The following ZNF267 variants were observed in gnomAD, a reference collection of about 807,000 sequenced individuals.
ZNF267 encodes the protein zinc finger protein 267.
A neutral mutation model predicts 71.6 loss-of-function variants in ZNF267; 61 were observed. The observed-to-expected ratio is 0.85, with a 90% CI of 0.69 to 1.05. ZNF267 has a LOEUF of 1.05. ZNF267 is among the 50% of genes least tolerant of loss of function. The probability of loss-of-function intolerance (pLI) is 0.00; values close to 1 mark genes in which losing one functional copy is unlikely to be tolerated. For missense variants in ZNF267, 852 were observed against 870.0 expected, an observed-to-expected ratio of 0.98 and a Z score of 0.26; for synonymous variants, 288 against 293.2, an observed-to-expected ratio of 0.98 and a Z score of 0.18.
intron 3 of ZNF267, among the ~76,000 whole-genome samples, chr16:31,896,087 C>T (rs2083996190): frequency 6.6e-6 from 1 of 152,178 alleles, no homozygotes; most frequent in Non-Finnish European, 1.5e-5. Context: ...TCATAGCTCA[C>T]TGCAGGCTTG....
intron 3 of ZNF267, among the ~76,000 whole-genome samples, chr16:31,901,046 CG>C (rs1379415845): frequency 6.6e-5 from 10 of 152,120 alleles, no homozygotes; most frequent in African/African-American, 2.2e-4. Context: ...TGAGAACATG[CG>C]GTGTTTCGTT....
intron 1 of ZNF267, chr16:31,875,332 G>C: frequency 7.8e-7 from 1 of 1,285,140 alleles, no homozygotes. Context: ...CAGGGGAGCA[G>C]CTGGATGCCC....
chr16:31,885,565 CTG>C (rs1334611341), intron 3 of ZNF267, among the ~76,000 whole-genome samples: 32 of 152,290 alleles, frequency 2.1e-4, no homozygotes, highest in African/African-American at 7.2e-4. Flanking sequence ...CTGGGAAAGT[CTG>C]TGCATGTTTC....
rs2142366435 is a variant in ZNF267 at position 31,916,666 on chromosome 16, A to G, written c.*185A>G. 1.1e-5 allele frequency: 7 copies of G among 649,688 alleles called. No homozygotes were observed. The East Asian group carries it at 2.0e-4, about 18-fold the overall frequency. The allele number at this position is 649,688 out of a possible 1,614,324, so 40.2% of individuals were successfully genotyped here. ...TCCATACAAATATTAAAAATGTGGC[A>G]AATTATTTTAAACTGTGCTCAACCC... On this transcript the variant is annotated 3_prime_UTR_variant, in exon 4 of 4. Coordinates refer to ENST00000300870, the MANE Select transcript of ZNF267 (RefSeq NM_003414.6).
At chr16:31,874,317 C>G (rs2142325156) in intron 1 of ZNF267, 1 of 263,616 alleles carries the variant, frequency 3.8e-6, no homozygotes, top group African/African-American at 2.2e-5. Context: ...TGGGAAGAAA[C>G]CGTGCCCTGT....
intron 3 of ZNF267, among the ~76,000 whole-genome samples, chr16:31,900,667 A>T (rs141474982): frequency 0.014 from 2,105 of 150,440 alleles, 59 homozygotes; most frequent in African/African-American, 0.049. Context: ...GATGGTCTTG[A>T]TCTCCTGACC....
chr16:31,891,240 T>C (rs967345983), intron 3 of ZNF267, among the ~76,000 whole-genome samples: 1 of 152,222 alleles, frequency 6.6e-6, no homozygotes, highest in Admixed American at 6.5e-5. Context: ...TTCACACATT[T>C]TATTACTGTA....
At chr16:31,895,523 A>G (rs1182995227) in intron 3 of ZNF267, among the ~76,000 whole-genome samples, 1 of 152,106 alleles carries the variant, frequency 6.6e-6, no homozygotes, top group Non-Finnish European at 1.5e-5. Flanking sequence ...TCTATGTTTG[A>G]TGATTTTTTG....
chr16:31,875,161 T>TAATAC, intron 1 of ZNF267: 2 of 1,289,170 alleles, frequency 1.6e-6, no homozygotes, highest in Non-Finnish European at 2.0e-6. Context: ...GGGCCCTGTA[T>TAATAC]AGCCACCCTC....
At chr16:31,895,405 T>C (rs2083991137) in intron 3 of ZNF267, among the ~76,000 whole-genome samples, 1 of 152,206 alleles carries the variant, frequency 6.6e-6, no homozygotes, top group Non-Finnish European at 1.5e-5. Context: ...TTGGCTATTA[T>C]AAATAGTGCT....
At chr16:31,887,898 T>C (rs941067502) in intron 3 of ZNF267, among the ~76,000 whole-genome samples, 14 of 152,150 alleles carry the variant, frequency 9.2e-5, no homozygotes, top group African/African-American at 3.4e-4. Flanking sequence ...TAATTTTTTC[T>C]ATTTCTGTGA....
chr16:31,894,349 G>T (rs760155824), intron 3 of ZNF267, among the ~76,000 whole-genome samples: 2 of 152,136 alleles, frequency 1.3e-5, no homozygotes, highest in Non-Finnish European at 2.9e-5. Context: ...ACTTACTTTA[G>T]CAAGGTCTTC....
rs982849902 is a variant in ZNF267, at chr16:31,910,203, C to T, written c.227-4273C>T. On this transcript the variant is annotated intron_variant, in intron 3 of 3. Transcript: ENST00000300870. ...CATAAATATTTATTATAGATATTGG[C>T]GTACAGTTTTCATCTTTTGATGTAT... 4.7e-5 allele frequency among the ~76,000 whole-genome samples: 7 copies of T among 148,048 alleles called. 1 individual carries two copies. Among genetic ancestry groups the T allele is most frequent in the East Asian group, 1.9e-4 (1 of 5,198 alleles).
Position 31,873,939 on chromosome 16 carries a change from G to C in ZNF267, c.-28G>C. 6.2e-7 allele frequency: 1 copy of C among 1,613,774 alleles called. No homozygotes were observed. The highest frequency in any genetic ancestry group is 8.5e-7 in the Non-Finnish European group (1 of 1,179,756). ...CAGGCACTGGGAGATTCGTAGCTAA[G>C]ACGCCAGGGCATCCCGGAAGCTGGG... On this transcript the variant is annotated 5_prime_UTR_variant, in exon 1 of 4. Transcript: ENST00000300870.
chr16:31,886,493 T>G (rs2083925398), intron 3 of ZNF267, among the ~76,000 whole-genome samples: 1 of 152,158 alleles, frequency 6.6e-6, no homozygotes, highest in Non-Finnish European at 1.5e-5. Context: ...GGTTGTGTGC[T>G]TTTTATGAGA....
At chr16:31,878,780 C>T (rs1426509756) in intron 1 of ZNF267, among the ~76,000 whole-genome samples, 1 of 152,166 alleles carries the variant, frequency 6.6e-6, no homozygotes, top group Non-Finnish European at 1.5e-5. Flanking sequence ...TATGTGTACA[C>T]GGTGTTCCCA....
At chr16:31,902,483 A>G in intron 3 of ZNF267, among the ~76,000 whole-genome samples, 1 of 152,104 alleles carries the variant, frequency 6.6e-6, no homozygotes, top group Non-Finnish European at 1.5e-5. Context: ...AGTGGTTTGT[A>G]GTTCTCCTTG....
chr16:31,900,175 G>C (rs1762285726), intron 3 of ZNF267, among the ~76,000 whole-genome samples: 1 of 151,328 alleles, frequency 6.6e-6, no homozygotes. Context: ...AAAAAAGAGA[G>C]CCATACAGTC....
At chr16:31,892,957 C>A (rs189729178) in intron 3 of ZNF267, among the ~76,000 whole-genome samples, 22 of 152,362 alleles carry the variant, frequency 1.4e-4, no homozygotes, top group Admixed American at 5.9e-4. Flanking sequence ...CCTCTTCTCA[C>A]AGCTCCACTA....
Sources: gnomAD v4.1 joint callset for allele counts (sites outside exome capture counted in the v4.1 genomes callset) on GRCh38, gnomAD v4.1.1 for gene constraint, MANE v1.5 for transcripts, NCBI Gene and HGNC (gene_info 2026-07-23, HGNC 2026-07-21) for gene names.